P3H1: variants seen among roughly 807,000 people sequenced by gnomAD.
The protein encoded by P3H1 is prolyl 3-hydroxylase 1.
Under a neutral mutation model 84.0 loss-of-function variants are expected in P3H1, and 69 were observed. The ratio of observed to expected loss-of-function variants is 0.82; its 90% CI spans 0.68 to 1.00. The LOEUF (loss-of-function observed/expected upper bound fraction) is 1.00, where lower values mean the gene tolerates loss of function less well. Among genes scored for constraint, P3H1 ranks in the 50% least tolerant of loss-of-function variants. The pLI, the probability that P3H1 is intolerant of heterozygous loss-of-function variation, is 0.00. For missense variants in P3H1, 878 were observed against 962.8 expected (o/e 0.91, Z 1.17); for synonymous variants, 366 against 388.8 (o/e 0.94, Z 0.69).
At chr1:42,747,103 C>T (rs144241883) in intron 14 of P3H1, 169 bp downstream of exon 14, 99 of 1,614,092 alleles carry the variant, frequency 6.1e-5, no homozygotes, top group Admixed American at 1.3e-4. Context: ...CCAGGGAGGA[C>T]AAGGCAATGT....
chr1:42,765,246 G>C (rs1397436564), intron 1 of P3H1, among the ~76,000 whole-genome samples: 1 of 152,090 alleles, frequency 6.6e-6, no homozygotes, highest in Non-Finnish European at 1.5e-5. Context: ...TCTCTATCTG[G>C]AGGAGCCTTC....
Position 42,762,321 on chromosome 1 carries a change from A to G in P3H1, c.618+2T>C, listed in dbSNP as rs1233962552. 1 of 1,613,810 alleles carries G rather than the reference A, an allele frequency of 6.2e-7. No individual in the cohort carries two copies. Among genetic ancestry groups the G allele is most frequent in the African/African-American group, 1.3e-5 (1 of 74,988 alleles). ...GAAAGAAGGGGATAAAGTTTTTTTC[A>G]CCATATGGGGTTGAGTCTCAAGATC... On this transcript the variant is annotated splice_donor_variant, in intron 2 of 14. Coordinates refer to ENST00000296388, the MANE Select transcript of P3H1 (RefSeq NM_022356.4). LOFTEE classifies it high-confidence loss of function.
chr1:42,749,921 C>T (rs753046596), intron 11 of P3H1: 8 of 503,802 alleles, frequency 1.6e-5, no homozygotes, highest in South Asian at 6.3e-5. Context: ...CATTAAAGTG[C>T]GTTGTGTGAC....
At chr1:42,757,956 A>T in intron 4 of P3H1, 34 bp from the exon 5 acceptor site, 1 of 1,594,974 alleles carries the variant, frequency 6.3e-7, no homozygotes, top group East Asian at 2.2e-5. Flanking sequence ...CTGAGAGGAA[A>T]GAGTCAAAAG....
intron 2 of P3H1, chr1:42,760,099 C>T (rs1652628248): frequency 6.5e-6 from 1 of 152,678 alleles, no homozygotes; most frequent in South Asian, 2.1e-4. Flanking sequence ...ATTCTCCTGC[C>T]TCAGCCTCCA....
At position 42,754,387 on chromosome 1, in the gene P3H1, G is replaced by A. The variant is rs544581810; in HGVS notation, c.1345+482C>T. 6.6e-6 allele frequency among the ~76,000 whole-genome samples: 1 copy of A among 152,300 alleles called. No homozygotes were observed. The highest frequency in any genetic ancestry group is 1.9e-4 in the East Asian group (1 of 5,180). ...GAGGAGCCAAAGGAGGCCTGAAGGCGTTGAGTCTCAGTAAAGGGACGAATG... is the reference window on the plus strand; with the variant it reads ...GAGGAGCCAAAGGAGGCCTGAAGGCATTGAGTCTCAGTAAAGGGACGAATG... On this transcript the variant is annotated intron_variant, in intron 8 of 14. Coordinates refer to ENST00000296388, the MANE Select transcript of P3H1 (RefSeq NM_022356.4). This position sits in a 1 kb window ranked among gnomAD's most constrained non-coding sequence, Gnocchi z 4.0.
At chr1:42,749,575 G>C (rs1282299079) in intron 11 of P3H1, among the ~76,000 whole-genome samples, 1 of 152,200 alleles carries the variant, frequency 6.6e-6, no homozygotes, top group Non-Finnish European at 1.5e-5. Flanking sequence ...CTATGGTTGA[G>C]CTAAAGGATA....
intron 11 of P3H1, among the ~76,000 whole-genome samples, chr1:42,749,087 G>T (rs1651890692): frequency 6.6e-6 from 1 of 152,054 alleles, no homozygotes; most frequent in East Asian, 1.9e-4. Flanking sequence ...TTCCCTTTTT[G>T]GTTTGAAATC....
intron 1 of P3H1, among the ~76,000 whole-genome samples, chr1:42,765,360 C>G (rs192950956): frequency 2.0e-4 from 30 of 152,306 alleles, no homozygotes; most frequent in Admixed American, 1.6e-3. Flanking sequence ...TTTGTGCTCC[C>G]GCAGCCCTAA....
rs1172430769 is a variant in P3H1 at position 42,766,884 on chromosome 1, A to G, written c.88T>C (p.Trp30Arg). 8 of 1,608,314 alleles carry G rather than the reference A, an allele frequency of 5.0e-6. No individual in the cohort carries two copies. Among genetic ancestry groups the G allele is most frequent in the Non-Finnish European group, 6.8e-6 (8 of 1,179,814 alleles). Residue 30 changes from tryptophan (W) to arginine (R), a missense_variant, in exon 1 of 15, where the codon TGG becomes CGG. Coordinates refer to ENST00000296388, the MANE Select transcript of P3H1 (RefSeq NM_022356.4). ...AGCAGATCAGGCGTCACCATGCCCC[A>G]TCCTGCCTCGGACTCGACCTCGGCT... Reference protein sequence around the residue: ...SQAEVESEAGWGMVTPDLLFA... With the variant: ...SQAEVESEAGRGMVTPDLLFA...
intron 1 of P3H1, among the ~76,000 whole-genome samples, chr1:42,763,672 C>CAAAAAAAA: frequency 2.4e-5 from 1 of 41,502 alleles, no homozygotes; most frequent in Non-Finnish European, 4.0e-5. Context: ...ACTCTTGTCT[C>CAAAAAAAA]AAAAAAAAAA....
intron 1 of P3H1, among the ~76,000 whole-genome samples, chr1:42,766,048 G>C (rs1202604274): frequency 6.8e-6 from 1 of 147,070 alleles, no homozygotes; most frequent in Non-Finnish European, 1.5e-5. Flanking sequence ...GGGCCAGGCA[G>C]CCCCTGCTGG....
intron 2 of P3H1, chr1:42,759,982 T>TTC (rs1652619341): frequency 3.9e-5 from 1 of 25,732 alleles, no homozygotes; most frequent in Non-Finnish European, 1.2e-4. Flanking sequence ...ATTCTTGCAC[T>TTC]TTTTTTTTTT....
At position 42,759,261 on chromosome 1, in the gene P3H1, AG is replaced by A. The variant is rs72659348; in HGVS notation, c.747del (p.Tyr250MetfsTer87). On this transcript the variant is annotated frameshift_variant, in exon 3 of 15. Transcript: ENST00000296388. LOFTEE classifies it high-confidence loss of function. ...AGGTAGTTGTAGCCATCGTAGTCAT[AG>A]GGCCCTTCGCAGAGGGCACGGCACT... is the stretch of plus-strand genomic sequence containing the variant. ...YEECRALCEG[P>X]YDYDGYNYLE... The A allele has an allele frequency of 1.2e-6, 2 of 1,614,188 alleles. No homozygotes were observed. The highest frequency in any genetic ancestry group is 1.7e-6 in the Non-Finnish European group (2 of 1,180,034).
chr1:42,764,591 C>CT (rs1177513868), intron 1 of P3H1, among the ~76,000 whole-genome samples: 3 of 152,080 alleles, frequency 2.0e-5, no homozygotes, highest in African/African-American at 7.2e-5. Context: ...TAGCTATCTC[C>CT]TAGCATTGTT....
intron 2 of P3H1, 130 bp downstream of exon 2, chr1:42,762,193 T>C (rs1570479063): frequency 2.2e-6 from 2 of 904,970 alleles, no homozygotes; most frequent in Middle Eastern, 3.1e-4. Context: ...GTCTCTTGAG[T>C]CCGGGAATTT....
intron 2 of P3H1, 25 bp from the exon 3 acceptor site, chr1:42,759,415 A>G: frequency 6.2e-7 from 1 of 1,609,534 alleles, no homozygotes; most frequent in Non-Finnish European, 8.5e-7. Context: ...GAGCACTCAA[A>G]TGCAGGCCAC....
rs774934054 is a variant in P3H1, at chr1:42,759,402, A to G, written c.619-12T>C. On this transcript the variant is annotated splice_polypyrimidine_tract_variant and intron_variant, in intron 2 of 14. Transcript: ENST00000296388. Reference sequence around the variant, plus strand: ...AGTCGAAATTCTTGCTACTGGGAAGAAGGAGCACTCAAATGCAGGCCACAG... The same window carrying G: ...AGTCGAAATTCTTGCTACTGGGAAGGAGGAGCACTCAAATGCAGGCCACAG... The G allele has an allele frequency of 1.2e-6, 2 of 1,613,464 alleles. No individual in the cohort carries two copies. The highest frequency in any genetic ancestry group is 8.5e-7 in the Non-Finnish European group (1 of 1,179,544).
chr1:42,763,631 CA>C (rs1362413860), intron 1 of P3H1, among the ~76,000 whole-genome samples: 5 of 129,284 alleles, frequency 3.9e-5, no homozygotes, highest in African/African-American at 1.5e-4. Flanking sequence ...GAGATCACAG[CA>C]CCATACTCCA....
Sources: allele counts gnomAD v4.1 joint callset (sites outside exome capture counted in the v4.1 genomes callset), GRCh38; gene constraint gnomAD v4.1.1; non-coding constraint Gnocchi (gnomAD v3.1); transcripts MANE v1.5; gene names NCBI Gene and HGNC (gene_info 2026-07-23, HGNC 2026-07-21).